Variants in HDAC10 observed in about 807,000 individuals in gnomAD.
HDAC10 encodes the protein histone deacetylase 10.
HDAC10 carries 90 observed loss-of-function variants against 82.3 expected under a neutral mutation model. That is an observed-to-expected ratio of 1.09 (90% confidence interval 0.92 to 1.30). The LOEUF (loss-of-function observed/expected upper bound fraction) is 1.30. Among genes scored for constraint, HDAC10 ranks in the 50% most tolerant of loss-of-function variants. HDAC10 has a pLI of 0.00. For synonymous variants in HDAC10, 456 were observed against 391.7 expected (o/e 1.16, Z -1.94); for missense variants, 934 against 876.3 (o/e 1.07, Z -0.83).
Position 50,245,422 on chromosome 22 carries a change from G to T in HDAC10, c.*85C>A, listed in dbSNP as rs2064915269. The T allele has an allele frequency of 1.4e-6, 1 of 717,630 alleles. No homozygotes were observed. The highest frequency in any genetic ancestry group is 1.5e-5 in the South Asian group (1 of 67,922). 44.5% of individuals were successfully genotyped at this position (717,630 alleles called of 1,614,324 possible). ...TCCGTGCCCCAGAGTCGAGGGAGCCGTGGGCTTGGGGTCCGGATCGCGGCC... is the reference window on the plus strand; with the variant it reads ...TCCGTGCCCCAGAGTCGAGGGAGCCTTGGGCTTGGGGTCCGGATCGCGGCC... On this transcript the variant is annotated 3_prime_UTR_variant, in exon 20 of 20. Transcript: ENST00000216271.
chr22:50,247,135 TA>T, intron 14 of HDAC10, 169 bp from the exon 15 acceptor site: 2 of 465,006 alleles, frequency 4.3e-6, no homozygotes, highest in Non-Finnish European at 3.7e-6. Flanking sequence ...CTTACGTCTA[TA>T]ATTTTTTTTT....
intron 13 of HDAC10, 57 bp from the exon 14 acceptor site, chr22:50,247,833 A>G: frequency 6.2e-7 from 1 of 1,612,688 alleles, no homozygotes; most frequent in Non-Finnish European, 8.5e-7. Context: ...GGTCAGGCAC[A>G]CACAGGCACA....
rs2065080601 is a variant in HDAC10 at position 50,251,059 on chromosome 22, C to T, written c.-27G>A. On this transcript the variant is annotated 5_prime_UTR_variant, in exon 1 of 20. Coordinates refer to ENST00000216271, the MANE Select transcript of HDAC10 (RefSeq NM_032019.6). The stretch of plus-strand genomic sequence containing the variant: ...GCTGCGCCGTGGTCACCCTGGGTTC[C>T]CAAACGCCCTCGCTAGTGGTGCCTG... 6.2e-7 allele frequency: 1 copy of T among 1,601,530 alleles called. No individual in the cohort carries two copies. Among genetic ancestry groups the T allele is most frequent in the East Asian group, 2.3e-5 (1 of 44,132 alleles).
At chr22:50,250,675 T>A in intron 2 of HDAC10, 96 bp downstream of exon 2, 1 of 1,387,114 alleles carries the variant, frequency 7.2e-7, no homozygotes, top group Non-Finnish European at 9.8e-7. Flanking sequence ...AGGCTCTGTA[T>A]TCGAGGCTGG....
At chr22:50,247,290 G>C (rs923734463) in intron 14 of HDAC10, 1 of 315,976 alleles carries the variant, frequency 3.2e-6, no homozygotes, top group African/African-American at 2.2e-5. Flanking sequence ...ACACCACCAC[G>C]CTTGGCTGAC....
Position 50,246,105 on chromosome 22 carries a change from C to T in HDAC10, c.1651-13G>A, listed in dbSNP as rs2064937111. On this transcript the variant is annotated splice_polypyrimidine_tract_variant and intron_variant, in intron 17 of 19. Coordinates refer to ENST00000216271, the MANE Select transcript of HDAC10 (RefSeq NM_032019.6). ...AACCACCGGTCATCTGTGGGGACAGCAGAGCCCAGCTCCTCATCTACGGAC... is the reference window on the plus strand; with the variant it reads ...AACCACCGGTCATCTGTGGGGACAGTAGAGCCCAGCTCCTCATCTACGGAC... 6.3e-7 allele frequency: 1 copy of T among 1,592,268 alleles called. No individual in the cohort carries two copies. The highest frequency in any genetic ancestry group is 8.6e-7 in the Non-Finnish European group (1 of 1,166,900).
chr22:50,247,828 G>C, intron 13 of HDAC10, 52 bp from the exon 14 acceptor site: 5 of 1,612,520 alleles, frequency 3.1e-6, no homozygotes, highest in Non-Finnish European at 4.2e-6. Flanking sequence ...CCGCAGGTCA[G>C]GCACACACAG....
In HDAC10 at chr22:50,249,535, T is replaced by C; in HGVS notation, c.564-81A>G. ...CAGCTCCCTGTAGAACGCTGACCCC[T>C]GAGCACATGTCTGTATCTCACCCCT... On this transcript the variant is annotated intron_variant, in intron 6 of 19. Coordinates refer to ENST00000216271, the MANE Select transcript of HDAC10 (RefSeq NM_032019.6). This position sits in a 1 kb window ranked among gnomAD's most constrained non-coding sequence, Gnocchi z 4.4. The C allele has an allele frequency of 6.2e-7, 1 of 1,605,552 alleles. No individual in the cohort carries two copies. The highest frequency in any genetic ancestry group is 8.5e-7 in the Non-Finnish European group (1 of 1,174,550).
intron 14 of HDAC10, 171 bp from the exon 15 acceptor site, chr22:50,247,137 A>ATTTTTTTTT (rs35992238): frequency 2.8e-6 from 1 of 362,968 alleles, no homozygotes. Context: ...TACGTCTATA[A>ATTTTTTTTT]TTTTTTTTTT....
chr22:50,249,558 C>G lies in HDAC10; in HGVS notation c.563+77G>C, dbSNP rs976016859. The G allele has an allele frequency of 1.2e-6, 2 of 1,607,288 alleles. No individual in the cohort carries two copies. Among genetic ancestry groups the G allele is most frequent in the Non-Finnish European group, 1.7e-6 (2 of 1,175,624 alleles). On this transcript the variant is annotated intron_variant, in intron 6 of 19. Transcript: ENST00000216271. The surrounding 1 kb of genome is among the most constrained non-coding windows in gnomAD (Gnocchi z 4.4). ...CCTGAGCACATGTCTGTATCTCACC[C>G]CTGGATTTTCCCAGGCCAGGCTGTG...
rs1234827602 is a variant in HDAC10, at chr22:50,246,666, C to T, written c.1571+13G>A. ...ATGCATGGCTGGACATATGCAAGAC[C>T]TGAGAGTCCTACCCGTCATGGGCGA... On this transcript the variant is annotated intron_variant, in intron 16 of 19. Transcript: ENST00000216271. The T allele has an allele frequency of 1.9e-6, 3 of 1,610,782 alleles. No homozygotes were observed. The highest frequency in any genetic ancestry group is 8.5e-7 in the Non-Finnish European group (1 of 1,179,512).
chr22:50,246,227 C>T (rs2064941501), intron 17 of HDAC10, 71 bp downstream of exon 17: 2 of 1,514,620 alleles, frequency 1.3e-6, no homozygotes, highest in Admixed American at 1.7e-5. Flanking sequence ...CATGACAATG[C>T]CAGCAAACAG....
At chr22:50,250,579 G>GTT in intron 2 of HDAC10, 56 bp from the exon 3 acceptor site, 1 of 1,439,260 alleles carries the variant, frequency 6.9e-7, no homozygotes, top group South Asian at 1.2e-5. Flanking sequence ...GCAGGGGGGC[G>GTT]GGAGGCGGGG....
At position 50,251,099 on chromosome 22, in the gene HDAC10, C is replaced by T. The variant is rs903312498; in HGVS notation, c.-67G>A. 69 of 1,513,574 alleles carry T rather than the reference C, an allele frequency of 4.6e-5. No individual in the cohort carries two copies. Among genetic ancestry groups the T allele is most frequent in the Non-Finnish European group, 6.0e-5 (67 of 1,110,100 alleles). 93.8% of individuals were successfully genotyped at this position (1,513,574 alleles called of 1,614,324 possible). ...AGTGGTGCCTGCCACTGCCTGTCCC[C>T]ACCTTCGGCCGGGAGCAGCCGGAGG... On this transcript the variant is annotated 5_prime_UTR_variant, in exon 1 of 20. Coordinates refer to ENST00000216271, the MANE Select transcript of HDAC10 (RefSeq NM_032019.6).
At chr22:50,245,870 C>G in intron 18 of HDAC10, 40 bp downstream of exon 18, 1 of 1,551,860 alleles carries the variant, frequency 6.4e-7, no homozygotes, top group Non-Finnish European at 8.7e-7. Flanking sequence ...GGTCCTTTCC[C>G]TCGTCCCACC....
Position 50,245,247 on chromosome 22 carries a change from G to T in HDAC10, c.*260C>A, listed in dbSNP as rs534792477. The stretch of plus-strand genomic sequence containing the variant: ...GAGCGAAGCGCAGCGGGGCGCAGGG[G>T]CCGGAACGGGACCGAGCGTGGGTTG... On this transcript the variant is annotated 3_prime_UTR_variant, in exon 20 of 20. Coordinates refer to ENST00000216271, the MANE Select transcript of HDAC10 (RefSeq NM_032019.6). The T allele has an allele frequency of 3.4e-6, 2 of 580,826 alleles. No homozygotes were observed. The highest frequency in any genetic ancestry group is 2.0e-5 in the South Asian group (1 of 49,372). 36.0% of individuals were successfully genotyped at this position (580,826 alleles called of 1,614,324 possible).
chr22:50,246,043 G>A lies in HDAC10; in HGVS notation c.1700C>T (p.Ala567Val). The A allele has an allele frequency of 4.3e-6, 7 of 1,612,646 alleles. No homozygotes were observed. Among genetic ancestry groups the A allele is most frequent in the Non-Finnish European group, 5.9e-6 (7 of 1,179,656 alleles). ...CACCAGGTCAGGCTGGAAGCCATAG[G>A]CCAGGGGCAGCACCAAGCCCAAGAT... ...SCILGLVLPL[A>V]YGFQPDLVLV... The change falls in exon 18 of 20, where the codon GCC (alanine) becomes GTC (valine). Residue 567 changes from alanine (A) to valine (V), a missense_variant. Coordinates refer to ENST00000216271, the MANE Select transcript of HDAC10 (RefSeq NM_032019.6).
Position 50,248,330 on chromosome 22 carries a change from A to G in HDAC10, c.1013+36T>C, listed in dbSNP as rs1210163403. On this transcript the variant is annotated intron_variant, in intron 11 of 19. Transcript: ENST00000216271. This position sits in a 1 kb window ranked among gnomAD's most constrained non-coding sequence, Gnocchi z 5.4. ...CACAACAGTCGTGACACCTGGTCTC[A>G]CACCCCGGCCCTGCCCGCCCTACCT... 6.2e-7 allele frequency: 1 copy of G among 1,610,846 alleles called. No individual in the cohort carries two copies. Among genetic ancestry groups the G allele is most frequent in the Admixed American group, 1.7e-5 (1 of 59,960 alleles).
intron 17 of HDAC10, 47 bp downstream of exon 17, chr22:50,246,251 C>G (rs538080265): frequency 6.4e-7 from 1 of 1,565,808 alleles, no homozygotes; most frequent in African/African-American, 1.3e-5. Flanking sequence ...CTGTACACAT[C>G]CATGGGCTCC....
Sources: gnomAD v4.1 joint callset for allele counts on GRCh38, gnomAD v4.1.1 for gene constraint, Gnocchi (gnomAD v3.1) non-coding constraint, MANE v1.5 for transcripts, NCBI Gene and HGNC (gene_info 2026-07-23, HGNC 2026-07-21) for gene names.